CEP83: variants seen among roughly 807,000 people sequenced by gnomAD.
The protein encoded by CEP83 is centrosomal protein 83, also known as centrosomal protein of 83 kDa.
In CEP83, 70 loss-of-function variants were observed where a neutral mutation model predicts 101.9. The ratio of observed to expected loss-of-function variants is 0.69; its 90% CI spans 0.57 to 0.84. The LOEUF is 0.84. CEP83 is among the 40% of genes least tolerant of loss of function. The pLI is 0.00. For missense variants in CEP83, 715 were observed against 787.2 expected (o/e 0.91, Z 1.10); for synonymous variants, 264 against 267.9 (o/e 0.99, Z 0.14).
chr12:94,273,361 A>G, the CEP83 span, among the ~76,000 whole-genome samples: 2 of 152,052 alleles, frequency 1.3e-5, no homozygotes, highest in Non-Finnish European at 2.9e-5. Flanking sequence ...TTTTTTCTGT[A>G]GACTTCCTGA....
chr12:94,379,495 T>C (rs1264267946), intron 6 of CEP83, among the ~76,000 whole-genome samples: 1 of 152,206 alleles, frequency 6.6e-6, no homozygotes, highest in Non-Finnish European at 1.5e-5. Flanking sequence ...ACTGCCTGTC[T>C]GTGTACATAA....
intron 14 of CEP83, among the ~76,000 whole-genome samples, chr12:94,328,899 C>T (rs746694362): frequency 2.6e-5 from 4 of 152,168 alleles, no homozygotes; most frequent in Non-Finnish European, 5.9e-5. Context: ...CTTTAGGTTG[C>T]TAACTTGTAA....
chr12:94,352,816 A>T (rs2060264321), intron 11 of CEP83, among the ~76,000 whole-genome samples: 1 of 152,216 alleles, frequency 6.6e-6, no homozygotes, highest in South Asian at 2.1e-4. Context: ...AATAAAGAAT[A>T]AAAGGGATGA....
chr12:94,451,447 C>T, intron 1 of CEP83, among the ~76,000 whole-genome samples: 1 of 142,132 alleles, frequency 7.0e-6, no homozygotes, highest in East Asian at 2.1e-4. Flanking sequence ...ATATAAAGAA[C>T]TCTTACAACT....
intron 14 of CEP83, among the ~76,000 whole-genome samples, chr12:94,320,978 T>C (rs1210716669): frequency 6.6e-6 from 1 of 152,226 alleles, no homozygotes; most frequent in African/African-American, 2.4e-5. Flanking sequence ...CCTAAGTTGT[T>C]TGCTTTCTCC....
At chr12:94,374,448 G>A (rs1322928926) in intron 8 of CEP83, among the ~76,000 whole-genome samples, 1 of 152,140 alleles carries the variant, frequency 6.6e-6, no homozygotes, top group Non-Finnish European at 1.5e-5. Flanking sequence ...TACTGGAATT[G>A]GAAGAAAAGC....
chr12:94,265,872 AG>A, the CEP83 span, among the ~76,000 whole-genome samples: 1 of 152,266 alleles, frequency 6.6e-6, no homozygotes, highest in South Asian at 2.1e-4. Context: ...CTCTTCCTAA[AG>A]AAAGAAAGAA....
chr12:94,287,241 T>C, the CEP83 span, among the ~76,000 whole-genome samples: 2 of 152,162 alleles, frequency 1.3e-5, no homozygotes, highest in Admixed American at 6.5e-5. Context: ...GAGGAGTCTT[T>C]CTCCCCTATA....
chr12:94,326,881 T>A (rs1422318212), intron 14 of CEP83, among the ~76,000 whole-genome samples: 1 of 152,216 alleles, frequency 6.6e-6, no homozygotes, highest in Non-Finnish European at 1.5e-5. Flanking sequence ...CTGCTGGCAC[T>A]CTGACTGTAG....
intron 6 of CEP83, among the ~76,000 whole-genome samples, chr12:94,382,879 G>T (rs1354437730): frequency 2.6e-5 from 4 of 151,930 alleles, no homozygotes; most frequent in Non-Finnish European, 2.9e-5. Flanking sequence ...TGTTATTTAG[G>T]TTCTGATGGT....
intron 3 of CEP83, 50 bp downstream of exon 3, chr12:94,412,268 G>A: frequency 7.0e-7 from 1 of 1,427,648 alleles, no homozygotes; most frequent in South Asian, 1.3e-5. Flanking sequence ...CCAAGATAAT[G>A]CCAATAACTT....
intron 6 of CEP83, among the ~76,000 whole-genome samples, chr12:94,397,349 A>C (rs2062963979): frequency 6.6e-6 from 1 of 152,082 alleles, no homozygotes; most frequent in Non-Finnish European, 1.5e-5. Flanking sequence ...AAATACAATA[A>C]TTAGCCAGGC....
chr12:94,436,102 A>G (rs1205385781), intron 1 of CEP83, among the ~76,000 whole-genome samples: 2 of 152,172 alleles, frequency 1.3e-5, no homozygotes, highest in African/African-American at 4.8e-5. Context: ...CTTCAGTTCT[A>G]GATCTTTCCA....
chr12:94,309,823 C>A (rs1969565387), intron 16 of CEP83, 95 bp downstream of exon 16: 2 of 779,140 alleles, frequency 2.6e-6, no homozygotes, highest in South Asian at 3.0e-5. Context: ...TGAGCACTGA[C>A]CAAAGTTATA....
intron 11 of CEP83, among the ~76,000 whole-genome samples, chr12:94,346,254 T>C (rs2059928003): frequency 1.3e-5 from 2 of 152,206 alleles, no homozygotes; most frequent in Middle Eastern, 6.8e-3. Context: ...GGTTTCACTA[T>C]GTTGGTCAGG....
intron 14 of CEP83, among the ~76,000 whole-genome samples, chr12:94,321,589 C>T (rs1400297701): frequency 6.6e-6 from 1 of 152,112 alleles, no homozygotes; most frequent in Non-Finnish European, 1.5e-5. Context: ...GGTGACCCTG[C>T]CCAGGGAGGA....
At chr12:94,298,549 T>A in the CEP83 span, 1 of 1,108,026 alleles carries the variant, frequency 9.0e-7, no homozygotes. Context: ...TTTCTCTGAA[T>A]GTGGATTTGC....
chr12:94,459,239 G>A (rs1017240378), intron 1 of CEP83, among the ~76,000 whole-genome samples: 1 of 152,202 alleles, frequency 6.6e-6, no homozygotes, highest in Non-Finnish European at 1.5e-5. Flanking sequence ...TCTCAGTAAT[G>A]ACAGTCGACA....
chr12:94,342,656 G>A (rs2059732918), intron 11 of CEP83, among the ~76,000 whole-genome samples: 4 of 151,810 alleles, frequency 2.6e-5, no homozygotes, highest in Non-Finnish European at 5.9e-5. Context: ...CCAACTAAAC[G>A]CTACATATAA....
Sources: allele counts gnomAD v4.1 joint callset (sites outside exome capture counted in the v4.1 genomes callset), GRCh38; gene constraint gnomAD v4.1.1; transcripts MANE v1.5; gene names NCBI Gene and HGNC (gene_info 2026-07-23, HGNC 2026-07-21).